The following ATAD2B variants were observed in gnomAD, a reference collection of about 807,000 sequenced individuals.
The protein encoded by ATAD2B is ATPase family AAA domain-containing protein 2B.
A neutral mutation model predicts 167.6 loss-of-function variants in ATAD2B; 40 were observed. The observed-to-expected ratio is 0.24, with a 90% CI of 0.19 to 0.31. ATAD2B has a LOEUF of 0.31. Ranked by LOEUF, ATAD2B falls within the 10% of genes least tolerant of loss-of-function variation. The pLI, the probability that ATAD2B is intolerant of heterozygous loss-of-function variation, is 1.00. For synonymous variants in ATAD2B, 579 were observed against 596.5 expected (o/e 0.97, Z 0.43); for missense variants, 1,242 against 1,757.2 (o/e 0.71, Z 5.24).
chr2:23,875,988 C>A, intron 7 of ATAD2B, 84 bp from the exon 8 acceptor site: 2 of 1,054,496 alleles, frequency 1.9e-6, no homozygotes, highest in South Asian at 1.5e-5. Context: ...GACTTCTGCT[C>A]ACTTTTTTGT....
At chr2:23,682,950 G>C in the ATAD2B span, among the ~76,000 whole-genome samples, 2 of 152,218 alleles carry the variant, frequency 1.3e-5, no homozygotes, top group African/African-American at 4.8e-5. The surrounding 1 kb of genome is among the most constrained non-coding windows in gnomAD (Gnocchi z 4.1). Flanking sequence ...CATGCATGTG[G>C]CGTGTTCTCC....
At chr2:23,696,573 G>A in the ATAD2B span, 11 of 1,327,444 alleles carry the variant, frequency 8.3e-6, no homozygotes, top group Admixed American at 2.5e-5. This position sits in a 1 kb window ranked among gnomAD's most constrained non-coding sequence, Gnocchi z 5.5. Flanking sequence ...CTGAAATCAC[G>A]TCACTCACTG....
At chr2:23,690,733 T>G in the ATAD2B span, 7,496 of 152,354 alleles carry the variant, frequency 0.049, 257 homozygotes, top group Middle Eastern at 0.078. Flanking sequence ...CACTTATGTA[T>G]CAGTGTCACT....
the ATAD2B span, among the ~76,000 whole-genome samples, chr2:23,700,719 C>T: frequency 0.046 from 7,079 of 152,268 alleles, 232 homozygotes; most frequent in Middle Eastern, 0.071. The surrounding 1 kb of genome is among the most constrained non-coding windows in gnomAD (Gnocchi z 4.6). Flanking sequence ...TCTACACCCA[C>T]GGTCTCCACT....
intron 14 of ATAD2B, among the ~76,000 whole-genome samples, chr2:23,829,928 C>T (rs1025928018): frequency 5.3e-5 from 8 of 152,128 alleles, no homozygotes; most frequent in African/African-American, 1.9e-4. Context: ...CTGCATATAG[C>T]ACAATCAAAA....
intron 13 of ATAD2B, among the ~76,000 whole-genome samples, chr2:23,837,246 A>G (rs571477968): frequency 2.0e-5 from 3 of 152,290 alleles, no homozygotes; most frequent in South Asian, 4.1e-4. Flanking sequence ...CTTGGCCCCA[A>G]TCTTGCTCCA....
intron 1 of ATAD2B, among the ~76,000 whole-genome samples, chr2:23,914,075 C>T (rs897349094): frequency 2.6e-5 from 4 of 152,062 alleles, no homozygotes. Flanking sequence ...ACAGCAATAA[C>T]CCTGTCTCTA....
intron 13 of ATAD2B, among the ~76,000 whole-genome samples, chr2:23,845,860 A>C (rs1691708027): frequency 6.9e-6 from 1 of 144,992 alleles, no homozygotes; most frequent in Non-Finnish European, 1.5e-5. Flanking sequence ...AATTACAAGC[A>C]AGAGTAACTG....
intron 1 of ATAD2B, chr2:23,900,850 T>C (rs1700742017): frequency 6.6e-6 from 1 of 152,298 alleles, no homozygotes; most frequent in Admixed American, 6.5e-5. Context: ...ATCAGTGTGA[T>C]CCTGAGGCTC....
intron 13 of ATAD2B, among the ~76,000 whole-genome samples, chr2:23,849,263 C>A: frequency 6.6e-6 from 1 of 152,148 alleles, no homozygotes. Context: ...AAAAAATATA[C>A]CACACAAACA....
intron 13 of ATAD2B, among the ~76,000 whole-genome samples, chr2:23,835,844 G>A (rs959620833): frequency 5.9e-5 from 9 of 152,064 alleles, no homozygotes; most frequent in South Asian, 2.1e-4. Flanking sequence ...GCTGAGGCAG[G>A]AGAATCACTT....
Position 23,751,884 on chromosome 2 carries a change from A to C in ATAD2B, c.*162T>G, listed in dbSNP as rs1249171488. ...TCTTGTAGGCTGGTTGGTTTCAGGTACCTGAGACAATAGCACCAAATTCAA... is the reference window on the plus strand; with the variant it reads ...TCTTGTAGGCTGGTTGGTTTCAGGTCCCTGAGACAATAGCACCAAATTCAA... On this transcript the variant is annotated 3_prime_UTR_variant, in exon 28 of 28. Transcript: ENST00000238789. 12 of 624,476 alleles carry C rather than the reference A, an allele frequency of 1.9e-5. No individual in the cohort carries two copies. The highest frequency in any genetic ancestry group is 3.1e-5 in the Non-Finnish European group (11 of 354,736). 38.7% of individuals were successfully genotyped at this position (624,476 alleles called of 1,614,324 possible).
chr2:23,686,705 G>A, the ATAD2B span, among the ~76,000 whole-genome samples: 2 of 152,118 alleles, frequency 1.3e-5, no homozygotes, highest in Admixed American at 6.5e-5. Flanking sequence ...GCAGCCTGAC[G>A]GACGCCCAGG....
At chr2:23,699,842 T>G in the ATAD2B span, among the ~76,000 whole-genome samples, 4 of 152,194 alleles carry the variant, frequency 2.6e-5, no homozygotes, top group Non-Finnish European at 4.4e-5. Flanking sequence ...CAGCACTTTC[T>G]CCTACTCTCA....
intron 22 of ATAD2B, among the ~76,000 whole-genome samples, chr2:23,768,399 A>G (rs940076126): frequency 5.3e-5 from 8 of 151,904 alleles, no homozygotes; most frequent in African/African-American, 1.9e-4. Flanking sequence ...TACCTGCTCC[A>G]CCCTGTACAA....
intron 13 of ATAD2B, among the ~76,000 whole-genome samples, chr2:23,843,940 T>A (rs1052127402): frequency 2.0e-5 from 3 of 152,066 alleles, no homozygotes; most frequent in Non-Finnish European, 2.9e-5. Flanking sequence ...AATCTTTGTT[T>A]TTGTTTTTGT....
In ATAD2B at chr2:23,786,042, C is replaced by G; in HGVS notation, c.2958G>C (p.Pro986=). 6.2e-7 allele frequency: 1 copy of G among 1,611,400 alleles called. No homozygotes were observed. Among genetic ancestry groups the G allele is most frequent in the East Asian group, 2.2e-5 (1 of 44,818 alleles). Residue 986 remains proline (P), a synonymous_variant, in exon 21 of 28, where the codon CCG becomes CCC. Transcript: ENST00000238789. The stretch of plus-strand genomic sequence containing the variant: ...GAAACAAGACCTCTTCAATATCCAC[C>G]GGTTTGCTGAAGATGTTAAAGCGTT... ...TDKRFNIFSK[P]VDIEEVSDYL...
chr2:23,845,736 C>T (rs1691679170), intron 13 of ATAD2B, among the ~76,000 whole-genome samples: 1 of 151,880 alleles, frequency 6.6e-6, no homozygotes, highest in Non-Finnish European at 1.5e-5. Flanking sequence ...TGCACCACTA[C>T]ACCCAGCTAA....
At chr2:23,880,293 G>A (rs573532797) in intron 7 of ATAD2B, among the ~76,000 whole-genome samples, 1 of 152,232 alleles carries the variant, frequency 6.6e-6, no homozygotes, top group African/African-American at 2.4e-5. Context: ...AAAAAATACA[G>A]TACATAAAAC....
Sources: gnomAD v4.1 joint callset for allele counts (sites outside exome capture counted in the v4.1 genomes callset) on GRCh38, gnomAD v4.1.1 for gene constraint, Gnocchi (gnomAD v3.1) non-coding constraint, MANE v1.5 for transcripts, NCBI Gene and HGNC (gene_info 2026-07-23, HGNC 2026-07-21) for gene names.